AAR2: variants seen among roughly 807,000 people sequenced by gnomAD.
The protein encoded by AAR2 is protein AAR2 homolog.
A neutral mutation model predicts 26.9 loss-of-function variants in AAR2; 31 were observed. That is an observed-to-expected ratio of 1.15 (90% CI 0.86 to 1.55). The LOEUF (loss-of-function observed/expected upper bound fraction) is 1.55. Among genes scored for constraint, AAR2 ranks in the 40% most tolerant of loss-of-function variants. AAR2 has a pLI of 0.00. For missense variants in AAR2, 430 were observed against 491.3 expected (o/e 0.88, Z 1.18); for synonymous variants, 188 against 196.1 (o/e 0.96, Z 0.34).
Position 36,239,804 on chromosome 20 carries a change from GT to G in AAR2, c.-48-14del, listed in dbSNP as rs1403586688. The G allele has an allele frequency of 2.7e-6, 4 of 1,505,482 alleles. No homozygotes were observed. The African/African-American group carries it at 5.6e-5, about 21-fold the overall frequency. 93.3% of individuals were successfully genotyped at this position (1,505,482 alleles called of 1,614,324 possible). ...TTCCCCCACGTTCTGATTAACTCTGGTTTCTTTCTTTCTCAGCTGTTCATCA... is the reference window on the plus strand; with the variant it reads ...TTCCCCCACGTTCTGATTAACTCTGGTTCTTTCTTTCTCAGCTGTTCATCA... On this transcript the variant is annotated splice_polypyrimidine_tract_variant and intron_variant, in intron 1 of 3. Transcript: ENST00000320849.
chr20:36,237,750 G>A (rs181850828), intron 1 of AAR2, among the ~76,000 whole-genome samples: 2 of 139,052 alleles, frequency 1.4e-5, no homozygotes, highest in Non-Finnish European at 1.5e-5. Flanking sequence ...AAGATGATAC[G>A]TATTATTATT....
At chr20:36,248,773 G>A (rs940909114) in intron 3 of AAR2, among the ~76,000 whole-genome samples, 1 of 152,134 alleles carries the variant, frequency 6.6e-6, no homozygotes, top group Non-Finnish European at 1.5e-5. Context: ...TCTGACTGGG[G>A]TTGAGATTTG....
intron 1 of AAR2, 84 bp from the exon 2 acceptor site, chr20:36,239,733 AACTC>A: frequency 1.9e-6 from 2 of 1,028,590 alleles, no homozygotes; most frequent in Non-Finnish European, 2.8e-6. Flanking sequence ...TCAGGGGTCT[AACTC>A]AATATCTGGC....
intron 3 of AAR2, among the ~76,000 whole-genome samples, chr20:36,245,901 T>C (rs1313156994): frequency 6.6e-6 from 1 of 152,148 alleles, no homozygotes; most frequent in East Asian, 1.9e-4. Flanking sequence ...GCACCTGTAG[T>C]CCTAGCCACT....
At chr20:36,236,528 T>G (rs1195450989) in intron 1 of AAR2, 25 bp downstream of exon 1, 1 of 152,256 alleles carries the variant, frequency 6.6e-6, no homozygotes, top group Non-Finnish European at 1.5e-5. Flanking sequence ...CTGGCCTCTT[T>G]TTCCTTTCCT....
chr20:36,250,133 T>TA (rs1231559029), intron 3 of AAR2, among the ~76,000 whole-genome samples: 4 of 152,378 alleles, frequency 2.6e-5, no homozygotes, highest in Admixed American at 6.5e-5. Context: ...CGAGGTGACC[T>TA]AACTGAACTC....
In AAR2 at chr20:36,239,934, C is replaced by T. The variant is rs778115932; in HGVS notation, c.66C>T (p.Val22=). 6.2e-7 allele frequency: 1 copy of T among 1,613,540 alleles called. No homozygotes were observed. The highest frequency in any genetic ancestry group is 1.3e-5 in the African/African-American group (1 of 74,936). Residue 22 remains valine (V), a synonymous_variant, in exon 2 of 4, where the codon GTC becomes GTT. Coordinates refer to ENST00000320849, the MANE Select transcript of AAR2 (RefSeq NM_001271874.2). ...KRLFFEGATV[V]ILNMPKGTEF... ...TCTTCTTTGAAGGGGCCACTGTGGT[C>T]ATCCTGAACATGCCCAAGGGAACAG...
chr20:36,245,065 TTC>T (rs1884147175), intron 3 of AAR2, 139 bp downstream of exon 3: 4 of 775,886 alleles, frequency 5.2e-6, no homozygotes, highest in East Asian at 2.7e-5. Context: ...TTTCCTGCTT[TTC>T]TCTCTCTTAC....
At position 36,239,857 on chromosome 20, in the gene AAR2, A is replaced by G. The variant is rs749729798; in HGVS notation, c.-12A>G. 19 of 1,551,866 alleles carry G rather than the reference A, an allele frequency of 1.2e-5. No individual in the cohort carries two copies. The Admixed American group carries it at 3.7e-4, about 30-fold the overall frequency. On this transcript the variant is annotated 5_prime_UTR_variant, in exon 2 of 4. Transcript: ENST00000320849. ...AGAAAAAGGGTTCTTTTGGTCACCC[A>G]CCACTGGCCCCATGGCTGCCGTGCA...
intron 3 of AAR2, among the ~76,000 whole-genome samples, chr20:36,247,483 C>G (rs1227878251): frequency 6.6e-6 from 1 of 152,202 alleles, no homozygotes; most frequent in Non-Finnish European, 1.5e-5. Context: ...TCTTTCCTCT[C>G]CGTTTTCCCC....
chr20:36,241,021 C>A, intron 2 of AAR2, among the ~76,000 whole-genome samples: 1 of 149,258 alleles, frequency 6.7e-6, no homozygotes, highest in East Asian at 1.9e-4. Flanking sequence ...CAGTTTGCTC[C>A]TGACCCTCAA....
In AAR2 at chr20:36,240,352, C is replaced by G. The variant is rs768037630; in HGVS notation, c.484C>G (p.Leu162Val). Residue 162 changes from leucine to valine, a missense_variant, in exon 2 of 4, where the codon CTA (leucine) becomes GTA (valine). Physicochemically the swap from Leu to Val is conservative, Grantham distance 32 (BLOSUM62 1). Transcript: ENST00000320849. ...ACAGATCTGTGCCTTTTCCGATGTG[C>G]TACCTGTGCTCTCCATGAAGCACAC... ...NRQICAFSDV[L>V]PVLSMKHTKD... 2 of 1,614,130 alleles carry G rather than the reference C, an allele frequency of 1.2e-6. No individual in the cohort carries two copies. The highest frequency in any genetic ancestry group is 1.7e-5 in the Admixed American group (1 of 60,004).
At chr20:36,236,694 C>T (rs1040024208) in intron 1 of AAR2, 191 bp downstream of exon 1, 1 of 152,222 alleles carries the variant, frequency 6.6e-6, no homozygotes, top group Non-Finnish European at 1.5e-5. Context: ...GCCAGAGTTA[C>T]GTCGCGGTTT....
intron 3 of AAR2, among the ~76,000 whole-genome samples, chr20:36,249,527 G>A (rs2064765129): frequency 1.3e-5 from 2 of 152,160 alleles, no homozygotes; most frequent in African/African-American, 4.8e-5. Context: ...TATTCTAAAT[G>A]TGTGTTCATC....
chr20:36,236,986 A>G (rs1365279438), intron 1 of AAR2, among the ~76,000 whole-genome samples: 2 of 152,260 alleles, frequency 1.3e-5, no homozygotes, highest in Non-Finnish European at 2.9e-5. Flanking sequence ...ACCCCAGATT[A>G]TATCACAGGA....
chr20:36,238,139 C>T (rs540994971), intron 1 of AAR2, among the ~76,000 whole-genome samples: 2 of 152,220 alleles, frequency 1.3e-5, no homozygotes, highest in Non-Finnish European at 2.9e-5. Flanking sequence ...CTGTGACCTA[C>T]AGTAACGAAT....
At chr20:36,241,482 T>C (rs546732180) in intron 2 of AAR2, among the ~76,000 whole-genome samples, 1 of 152,312 alleles carries the variant, frequency 6.6e-6, no homozygotes, top group East Asian at 1.9e-4. Context: ...ATGCTCCCTG[T>C]TTTCTCTATT....
At chr20:36,244,280 TCTC>T (rs1569426133) in intron 2 of AAR2, among the ~76,000 whole-genome samples, 1 of 152,128 alleles carries the variant, frequency 6.6e-6, no homozygotes, top group African/African-American at 2.4e-5. Flanking sequence ...CCCCATCATC[TCTC>T]CTCCACCAGA....
In AAR2 at chr20:36,240,119, G is replaced by C. The variant is rs373216629; in HGVS notation, c.251G>C (p.Arg84Pro). ...RMGFFLSLHQ[R>P]GLTVLRWSTL... ...GGTTTCTTCCTTAGCCTGCACCAGC[G>C]GGGGCTGACAGTGCTGCGCTGGAGC... Residue 84 changes from arginine to proline, a missense_variant, in exon 2 of 4, where the codon CGG becomes CCG. Arg to Pro is a moderately radical substitution (Grantham distance 103). Coordinates refer to ENST00000320849, the MANE Select transcript of AAR2 (RefSeq NM_001271874.2). 1 of 1,614,080 alleles carries C rather than the reference G, an allele frequency of 6.2e-7. No individual in the cohort carries two copies. Among genetic ancestry groups the C allele is most frequent in the Admixed American group, 1.7e-5 (1 of 59,998 alleles).
Sources: allele counts gnomAD v4.1 joint callset (sites outside exome capture counted in the v4.1 genomes callset), GRCh38; gene constraint gnomAD v4.1.1; transcripts MANE v1.5; gene names NCBI Gene and HGNC (gene_info 2026-07-23, HGNC 2026-07-21).